The following ZMIZ1 variants were observed in gnomAD, a reference collection of about 807,000 sequenced individuals.
The protein encoded by ZMIZ1 is zinc finger MIZ domain-containing protein 1.
In ZMIZ1, 17 loss-of-function variants were observed where a neutral mutation model predicts 113.9. That is an observed-to-expected ratio of 0.15 (90% confidence interval 0.10 to 0.22). The LOEUF is 0.22. ZMIZ1 is among the 10% of genes least tolerant of loss of function. The probability of loss-of-function intolerance (pLI) is 1.00; values close to 1 mark genes in which losing one functional copy is unlikely to be tolerated. For missense variants in ZMIZ1, 1,059 were observed against 1,477.8 expected (o/e 0.72, Z 4.65); for synonymous variants, 607 against 603.1 (o/e 1.01, Z -0.09).
rs763358699 is a variant in ZMIZ1 at position 79,304,052 on chromosome 10, C to T, written c.2163C>T (p.Gly721=). The change falls in exon 19 of 25, where the codon GGC becomes GGT. Residue 721 remains glycine (G), a synonymous_variant. Transcript: ENST00000334512. ...TCAGCAGCGTGGCTGCCTCCTCGGG[C>T]AACACGACCCTCAACGGGGAGGATG... ...RNFSSVAASS[G]NTTLNGEDGV... The T allele has an allele frequency of 6.2e-7, 1 of 1,614,208 alleles. No homozygotes were observed. The highest frequency in any genetic ancestry group is 8.5e-7 in the Non-Finnish European group (1 of 1,180,060).
chr10:79,131,685 C>T (rs1307947217), intron 2 of ZMIZ1, among the ~76,000 whole-genome samples: 1 of 152,086 alleles, frequency 6.6e-6, no homozygotes, highest in Non-Finnish European at 1.5e-5. Flanking sequence ...ATTCAGGACC[C>T]CACCTCCACC....
At chr10:79,151,864 G>T (rs1359844099) in intron 3 of ZMIZ1, among the ~76,000 whole-genome samples, 1 of 152,174 alleles carries the variant, frequency 6.6e-6, no homozygotes, top group East Asian at 1.9e-4. Context: ...GTGGAGTCAC[G>T]GGCTGGGTGG....
chr10:79,235,648 A>G (rs1849559230), intron 7 of ZMIZ1, among the ~76,000 whole-genome samples: 1 of 152,204 alleles, frequency 6.6e-6, no homozygotes, highest in Admixed American at 6.5e-5. Context: ...TGATTCCCAC[A>G]GTAGGTGAGG....
At chr10:79,289,431 G>C (rs1360952155) in intron 8 of ZMIZ1, among the ~76,000 whole-genome samples, 1 of 152,194 alleles carries the variant, frequency 6.6e-6, no homozygotes, top group African/African-American at 2.4e-5. Context: ...GCAACGTGGA[G>C]TCAGAGCCCG....
At chr10:79,199,792 A>C (rs1847994876) in intron 4 of ZMIZ1, among the ~76,000 whole-genome samples, 1 of 152,232 alleles carries the variant, frequency 6.6e-6, no homozygotes. Context: ...TGAACCATGC[A>C]AATGAATTAC....
intron 8 of ZMIZ1, among the ~76,000 whole-genome samples, chr10:79,279,926 C>G (rs544564645): frequency 1.1e-4 from 17 of 151,476 alleles, no homozygotes; most frequent in African/African-American, 4.1e-4. Context: ...AGTCCAGCCT[C>G]GGCTAGGTAT....
chr10:79,233,281 T>C (rs1849467749), intron 7 of ZMIZ1, among the ~76,000 whole-genome samples: 1 of 152,244 alleles, frequency 6.6e-6, no homozygotes, highest in Non-Finnish European at 1.5e-5. Flanking sequence ...GGCCCCTGCC[T>C]TAGTCTGTTC....
chr10:79,095,705 G>A (rs1038004870), intron 1 of ZMIZ1, among the ~76,000 whole-genome samples: 5 of 152,184 alleles, frequency 3.3e-5, no homozygotes, highest in African/African-American at 9.7e-5. Context: ...TGGACACATC[G>A]TGCAGACCCC....
At chr10:79,177,611 C>T (rs964671642) in intron 4 of ZMIZ1, among the ~76,000 whole-genome samples, 1 of 152,248 alleles carries the variant, frequency 6.6e-6, no homozygotes, top group African/African-American at 2.4e-5. Context: ...GATGTCCTCA[C>T]AGGGCCTGCA....
At chr10:79,278,637 ACT>A (rs1564575578) in intron 8 of ZMIZ1, among the ~76,000 whole-genome samples, 1 of 150,486 alleles carries the variant, frequency 6.6e-6, no homozygotes, top group East Asian at 1.9e-4. Context: ...AGTGGTGATG[ACT>A]CTTAACGAGC....
At chr10:79,137,684 A>G (rs745693727) in intron 2 of ZMIZ1, among the ~76,000 whole-genome samples, 12 of 152,294 alleles carry the variant, frequency 7.9e-5, no homozygotes, top group South Asian at 2.1e-4. Context: ...AACTGGGACC[A>G]CAAGATTTGC....
At chr10:79,282,122 T>G (rs1852775803) in intron 8 of ZMIZ1, among the ~76,000 whole-genome samples, 1 of 152,224 alleles carries the variant, frequency 6.6e-6, no homozygotes, top group Admixed American at 6.5e-5. Flanking sequence ...ATCCCTCATT[T>G]CCAGGGAAAC....
chr10:79,188,659 A>C (rs4980043), intron 4 of ZMIZ1, among the ~76,000 whole-genome samples: 3 of 90,232 alleles, frequency 3.3e-5, no homozygotes, highest in Non-Finnish European at 4.9e-5. Context: ...TCTTTTACCC[A>C]GCCAGCTGGC....
chr10:79,314,007 G>C lies in ZMIZ1; in HGVS notation c.*1258G>C, dbSNP rs2985841. 6 of 455,798 alleles carry C rather than the reference G, an allele frequency of 1.3e-5. No individual in the cohort carries two copies. The highest frequency in any genetic ancestry group is 6.2e-5 in the South Asian group (4 of 64,476). 28.2% of individuals were successfully genotyped at this position (455,798 alleles called of 1,614,324 possible). On this transcript the variant is annotated 3_prime_UTR_variant, in exon 25 of 25. Coordinates refer to ENST00000334512, the MANE Select transcript of ZMIZ1 (RefSeq NM_020338.4). ...GCACCAGTATGTACCTGCAGGCATGGGGGGGAGGGGGGCGTGTTTCTGGGC... is the reference window on the plus strand; with the variant it reads ...GCACCAGTATGTACCTGCAGGCATGCGGGGGAGGGGGGCGTGTTTCTGGGC...
At chr10:79,224,064 G>A (rs1295987360) in intron 7 of ZMIZ1, among the ~76,000 whole-genome samples, 1 of 152,138 alleles carries the variant, frequency 6.6e-6, no homozygotes, top group African/African-American at 2.4e-5. Flanking sequence ...ATTAAAACGA[G>A]GTCTCCAAAG....
Position 79,096,478 on chromosome 10 carries a change from C to G in ZMIZ1, c.-336-22437C>G, listed in dbSNP as rs1003708204. Among the ~76,000 whole-genome samples, 10 of 152,072 alleles carry G rather than the reference C, an allele frequency of 6.6e-5. No homozygotes were observed. In the East Asian group the frequency reaches 1.7e-3, roughly 26 times the overall value. On this transcript the variant is annotated intron_variant, in intron 1 of 24. Transcript: ENST00000334512. ...AGTGAGCCGAGATTGCGCCACTGCA[C>G]TCCAGCCTGGGCGACAGAGTGAGAC...
chr10:79,283,692 C>G (rs947831187), intron 8 of ZMIZ1, among the ~76,000 whole-genome samples: 1 of 152,228 alleles, frequency 6.6e-6, no homozygotes, highest in Non-Finnish European at 1.5e-5. Context: ...AATCCCTGCA[C>G]CATCAGTTCC....
At position 79,112,825 on chromosome 10, in the gene ZMIZ1, T is replaced by C. The variant is rs1370879658; in HGVS notation, c.-336-6090T>C. On this transcript the variant is annotated intron_variant, in intron 1 of 24. Coordinates refer to ENST00000334512, the MANE Select transcript of ZMIZ1 (RefSeq NM_020338.4). Reference sequence around the variant, plus strand: ...TTTATATCTTTCACAACTTAGCAAATTTAATTTCTTCTGATTATTTCTTGA... The same window carrying C: ...TTTATATCTTTCACAACTTAGCAAACTTAATTTCTTCTGATTATTTCTTGA... Among the ~76,000 whole-genome samples, 14 of 152,320 alleles carry C rather than the reference T, an allele frequency of 9.2e-5. No individual in the cohort carries two copies. In the East Asian group the frequency reaches 2.7e-3, roughly 29 times the overall value.
chr10:79,148,652 TA>T (rs11333804), intron 3 of ZMIZ1, among the ~76,000 whole-genome samples: 63,578 of 152,034 alleles, frequency 0.42, 14,046 homozygotes, highest in African/African-American at 0.57. Flanking sequence ...CCGGGGTTTT[TA>T]ATAAAGCTGC....
Sources: allele counts gnomAD v4.1 joint callset (sites outside exome capture counted in the v4.1 genomes callset), GRCh38; gene constraint gnomAD v4.1.1; transcripts MANE v1.5; gene names NCBI Gene and HGNC (gene_info 2026-07-23, HGNC 2026-07-21).